The following KPNA6 variants were observed in gnomAD, a reference collection of about 807,000 sequenced individuals.
KPNA6 encodes the protein importin subunit alpha-7.
In KPNA6, 9 loss-of-function variants were observed where a neutral mutation model predicts 72.0. The ratio of observed to expected loss-of-function variants is 0.13; its 90% CI spans 0.08 to 0.22. The LOEUF is 0.22. Ranked by LOEUF, KPNA6 falls within the 10% of genes least tolerant of loss-of-function variation. The pLI is 1.00. For synonymous variants in KPNA6, 219 were observed against 242.1 expected (o/e 0.90, Z 0.89); for missense variants, 374 against 655.7 (o/e 0.57, Z 4.69).
chr1:32,125,989 A>C (rs971623639), intron 1 of KPNA6, among the ~76,000 whole-genome samples: 1 of 151,274 alleles, frequency 6.6e-6, no homozygotes, highest in African/African-American at 2.4e-5. Flanking sequence ...TAAAAAAAAA[A>C]AAAAAAAAAA....
chr1:32,152,083 A>T (rs1642042041), intron 1 of KPNA6, among the ~76,000 whole-genome samples: 1 of 152,224 alleles, frequency 6.6e-6, no homozygotes, highest in Non-Finnish European at 1.5e-5. Context: ...TAATCCCAGC[A>T]CTTTGGGAGG....
chr1:32,154,019 C>T (rs545307072), intron 1 of KPNA6, among the ~76,000 whole-genome samples: 1 of 151,972 alleles, frequency 6.6e-6, no homozygotes, highest in African/African-American at 2.4e-5. Context: ...TGGTGGTGTG[C>T]GCCTGTAATC....
chr1:32,169,736 A>G (rs746390384), intron 12 of KPNA6, 146 bp from the exon 13 acceptor site: 5 of 600,654 alleles, frequency 8.3e-6, no homozygotes, highest in Non-Finnish European at 1.4e-5. Context: ...CTGGGATCAC[A>G]GGTGTGAACC....
At position 32,108,079 on chromosome 1, in the gene KPNA6, C is replaced by T; in HGVS notation, c.-52C>T. The T allele has an allele frequency of 6.2e-7, 1 of 1,613,736 alleles. No homozygotes were observed. Among genetic ancestry groups the T allele is most frequent in the Admixed American group, 1.7e-5 (1 of 60,020 alleles). On this transcript the variant is annotated 5_prime_UTR_variant, in exon 1 of 14. Transcript: ENST00000373625. ...CCATATTGTCTACTGAAAGCTGCCG[C>T]TGAAGCTGCCGCCGTTGCCTCCGCC...
At chr1:32,123,773 C>A (rs113979093) in intron 1 of KPNA6, among the ~76,000 whole-genome samples, 1 of 146,402 alleles carries the variant, frequency 6.8e-6, no homozygotes, top group Non-Finnish European at 1.5e-5. Flanking sequence ...AAGTGGCTCA[C>A]GCCTGTAATC....
chr1:32,135,769 T>G (rs1463759343), intron 1 of KPNA6, among the ~76,000 whole-genome samples: 1 of 151,302 alleles, frequency 6.6e-6, no homozygotes, highest in African/African-American at 2.4e-5. Flanking sequence ...TGCCTGGCCA[T>G]AGAGTTATGG....
rs1462462824 is a variant in KPNA6 at position 32,176,191 on chromosome 1, TAAA to T, written c.*5298_*5300del. On this transcript the variant is annotated 3_prime_UTR_variant, in exon 14 of 14. Coordinates refer to ENST00000373625, the MANE Select transcript of KPNA6 (RefSeq NM_012316.5). ...TTTGTGGGAATTGCCTTTGACCTATTAAAGAAGGAAAGTGGGTAATGGAGTCCC... is the reference window on the plus strand; with the variant it reads ...TTTGTGGGAATTGCCTTTGACCTATTGAAGGAAAGTGGGTAATGGAGTCCC... 1 of 152,052 alleles carries T rather than the reference TAAA, an allele frequency of 6.6e-6. No homozygotes were observed. The highest frequency in any genetic ancestry group is 1.5e-5 in the Non-Finnish European group (1 of 68,014). The allele number at this position is 152,052 out of a possible 1,614,324, so 9.4% of individuals were successfully genotyped here.
intron 1 of KPNA6, among the ~76,000 whole-genome samples, chr1:32,134,621 G>A (rs1393151805): frequency 1.4e-5 from 2 of 147,018 alleles, no homozygotes; most frequent in Admixed American, 6.8e-5. Flanking sequence ...CTGGGCAACA[G>A]AGCAAGAGTC....
chr1:32,158,403 T>G (rs761910142), intron 5 of KPNA6, 42 bp downstream of exon 5: 23 of 1,250,372 alleles, frequency 1.8e-5, no homozygotes, highest in Non-Finnish European at 2.3e-5. Context: ...CTTTTAATTT[T>G]TGGGGGATAC....
At chr1:32,165,429 C>T (rs1198699628) in intron 10 of KPNA6, among the ~76,000 whole-genome samples, 1 of 151,912 alleles carries the variant, frequency 6.6e-6, no homozygotes, top group Non-Finnish European at 1.5e-5. Context: ...TGGCTCATGC[C>T]TGTAATTCCA....
intron 1 of KPNA6, among the ~76,000 whole-genome samples, chr1:32,122,298 C>T (rs916850138): frequency 4.4e-5 from 6 of 136,422 alleles, no homozygotes; most frequent in African/African-American, 1.7e-4. Context: ...TGAAACAAAA[C>T]GAAAAAAAAG....
At chr1:32,123,908 C>T (rs1303517730) in intron 1 of KPNA6, among the ~76,000 whole-genome samples, 1 of 149,498 alleles carries the variant, frequency 6.7e-6, no homozygotes, top group Non-Finnish European at 1.5e-5. Context: ...GTGGTGTGCA[C>T]CAGTAGTCCC....
Position 32,161,974 on chromosome 1 carries a change from G to A in KPNA6, c.675G>A (p.Thr225=), listed in dbSNP as rs749112322. The change falls in exon 8 of 14, where the codon ACG becomes ACA. Residue 225 remains threonine (T), a synonymous_variant. Coordinates refer to ENST00000373625, the MANE Select transcript of KPNA6 (RefSeq NM_012316.5). The part of the protein sequence containing the change: ...LTLLTKSTRL[T]MTRNAVWALS... Reference sequence around the variant, plus strand: ...TCCTTACCAAGTCCACACGACTGACGATGACACGGAATGCAGTCTGGGCCC... The same window carrying A: ...TCCTTACCAAGTCCACACGACTGACAATGACACGGAATGCAGTCTGGGCCC... 15 of 1,614,078 alleles carry A rather than the reference G, an allele frequency of 9.3e-6. No homozygotes were observed. The highest frequency in any genetic ancestry group is 4.4e-5 in the South Asian group (4 of 91,064).
chr1:32,140,684 A>T (rs1474687096), intron 1 of KPNA6, among the ~76,000 whole-genome samples: 2 of 152,206 alleles, frequency 1.3e-5, no homozygotes, highest in African/African-American at 4.8e-5. Context: ...GGGAAAATGA[A>T]TGAAAAAATG....
At chr1:32,148,104 T>C (rs1370011537) in intron 1 of KPNA6, among the ~76,000 whole-genome samples, 2 of 152,158 alleles carry the variant, frequency 1.3e-5, no homozygotes, top group Non-Finnish European at 2.9e-5. Flanking sequence ...TCAATGTGGA[T>C]ATTTTCTTTT....
At chr1:32,158,064 G>T (rs1642174421) in intron 4 of KPNA6, among the ~76,000 whole-genome samples, 1 of 152,116 alleles carries the variant, frequency 6.6e-6, no homozygotes, top group South Asian at 2.1e-4. Flanking sequence ...CTTAAATTAG[G>T]ATTGGCTTTA....
chr1:32,119,032 A>ATT (rs71006332), intron 1 of KPNA6, among the ~76,000 whole-genome samples: 1,337 of 40,230 alleles, frequency 0.033, 93 homozygotes, highest in South Asian at 0.077. Context: ...ATATATATAT[A>ATT]TTTTTTTTTT....
intron 1 of KPNA6, among the ~76,000 whole-genome samples, chr1:32,114,451 A>AAAAAAATATAT (rs982175711): frequency 1.6e-4 from 23 of 145,558 alleles, no homozygotes; most frequent in African/African-American, 4.0e-4. Flanking sequence ...CAAAAAAAAA[A>AAAAAAATATAT]ATATATATAT....
In KPNA6 at chr1:32,159,420, A is replaced by G; in HGVS notation, c.447A>G (p.Leu149=). 2 of 1,614,088 alleles carry G rather than the reference A, an allele frequency of 1.2e-6. No individual in the cohort carries two copies. Among genetic ancestry groups the G allele is most frequent in the South Asian group, 2.2e-5 (2 of 91,060 alleles). ...CTLQFEAAWA[L]TNIASGTSQQ... is the part of the protein sequence containing the mutation. Reference sequence around the variant, plus strand: ...TTCAGTTTGAAGCTGCCTGGGCTCTAACGAATATTGCCTCTGGAACCTCTC... The same window carrying G: ...TTCAGTTTGAAGCTGCCTGGGCTCTGACGAATATTGCCTCTGGAACCTCTC... Residue 149 remains leucine (L), a synonymous_variant, in exon 6 of 14, where the codon CTA becomes CTG. Transcript: ENST00000373625.
Sources: allele counts gnomAD v4.1 joint callset (sites outside exome capture counted in the v4.1 genomes callset), GRCh38; gene constraint gnomAD v4.1.1; transcripts MANE v1.5; gene names NCBI Gene and HGNC (gene_info 2026-07-23, HGNC 2026-07-21).